NYAP2: variants seen among roughly 807,000 people sequenced by gnomAD.
NYAP2 encodes neuronal tyrosine-phosphorylated phosphoinositide-3-kinase adapter 2.
In NYAP2, 23 loss-of-function variants were observed where a neutral mutation model predicts 50.4. The ratio of observed to expected loss-of-function variants is 0.46; its 90% CI spans 0.33 to 0.65. The LOEUF is 0.65. NYAP2 is among the 30% of genes least tolerant of loss of function. The pLI, the probability that NYAP2 is intolerant of heterozygous loss-of-function variation, is 0.02. For missense variants in NYAP2, 885 were observed against 861.0 expected (o/e 1.03, Z -0.35); for synonymous variants, 394 against 365.2 (o/e 1.08, Z -0.90).
intron 3 of NYAP2, among the ~76,000 whole-genome samples, chr2:225,470,595 C>A (rs1403907781): frequency 1.3e-5 from 2 of 152,066 alleles, no homozygotes; most frequent in East Asian, 3.9e-4. Context: ...GGGGGAATGC[C>A]TGCTGAGAAA....
At chr2:225,571,539 C>A (rs946376347) in intron 4 of NYAP2, among the ~76,000 whole-genome samples, 21 of 152,246 alleles carry the variant, frequency 1.4e-4, no homozygotes, top group Admixed American at 3.9e-4. Context: ...GACTTGCATC[C>A]TTTGAAGCAA....
At chr2:225,417,006 A>G (rs567784559) in intron 3 of NYAP2, among the ~76,000 whole-genome samples, 3 of 152,288 alleles carry the variant, frequency 2.0e-5, no homozygotes, top group African/African-American at 7.2e-5. Context: ...TTGAATATGG[A>G]GAGATGGTTA....
At chr2:225,595,131 A>G (rs1692574193) in intron 5 of NYAP2, among the ~76,000 whole-genome samples, 1 of 152,228 alleles carries the variant, frequency 6.6e-6, no homozygotes, top group Non-Finnish European at 1.5e-5. Context: ...TATTCAATAA[A>G]ATAGAATTTT....
intron 4 of NYAP2, among the ~76,000 whole-genome samples, chr2:225,564,498 A>C (rs895083205): frequency 3.9e-5 from 6 of 151,980 alleles, no homozygotes; most frequent in Non-Finnish European, 8.8e-5. Context: ...TCATCTGAAT[A>C]TAGAGAAAGG....
chr2:225,644,641 GTTTCAGC>G (rs1693596348), intron 6 of NYAP2, among the ~76,000 whole-genome samples: 1 of 147,376 alleles, frequency 6.8e-6, no homozygotes, highest in Non-Finnish European at 1.5e-5. Flanking sequence ...AAGGGATCCA[GTTTCAGC>G]TTTCTACATA....
chr2:225,545,841 C>T (rs1332643439), intron 4 of NYAP2, among the ~76,000 whole-genome samples: 1 of 152,090 alleles, frequency 6.6e-6, no homozygotes, highest in East Asian at 1.9e-4. Flanking sequence ...ATTGGAAAGA[C>T]TTTCTAGGTA....
chr2:225,641,874 A>G (rs2106266435), intron 6 of NYAP2, among the ~76,000 whole-genome samples: 1 of 152,146 alleles, frequency 6.6e-6, no homozygotes, highest in East Asian at 1.9e-4. Flanking sequence ...TTTTTCTGGA[A>G]ACATGGGGAA....
At chr2:225,549,142 A>G (rs73089030) in intron 4 of NYAP2, among the ~76,000 whole-genome samples, 4,183 of 152,200 alleles carry the variant, frequency 0.027, 183 homozygotes, top group African/African-American at 0.094. Context: ...GGGCCTCCCA[A>G]AGTGCCAAGA....
chr2:225,457,112 C>G (rs900441818), intron 3 of NYAP2, among the ~76,000 whole-genome samples: 1 of 152,176 alleles, frequency 6.6e-6, no homozygotes, highest in African/African-American at 2.4e-5. Flanking sequence ...GTTTATTTAT[C>G]GAGCCCATAT....
At chr2:225,449,502 C>G (rs1689614046) in intron 3 of NYAP2, among the ~76,000 whole-genome samples, 1 of 151,726 alleles carries the variant, frequency 6.6e-6, no homozygotes, top group Admixed American at 6.6e-5. Context: ...TAACACAAAG[C>G]AAAATCTGGA....
exon 7 of NYAP2, chr2:225,651,694 G>A (rs1190369675): frequency 4.3e-6 from 4 of 932,384 alleles, no homozygotes; most frequent in East Asian, 2.5e-5. Flanking sequence ...AGTTCTGGCA[G>A]TCTGTGTTTT....
exon 7 of NYAP2, chr2:225,653,819 A>AC (rs1402281426): frequency 6.6e-6 from 1 of 152,206 alleles, no homozygotes; most frequent in Non-Finnish European, 1.5e-5. Flanking sequence ...GGAGATTGAG[A>AC]CCATCCTGGC....
At position 225,582,426 on chromosome 2, in the gene NYAP2, C is replaced by A; in HGVS notation, c.1009C>A (p.Leu337Met). The A allele has an allele frequency of 6.3e-7, 1 of 1,587,280 alleles. No individual in the cohort carries two copies. The highest frequency in any genetic ancestry group is 8.6e-7 in the Non-Finnish European group (1 of 1,161,474). The change falls in exon 5 of 7, where the codon CTG (leucine) becomes ATG (methionine). Residue 337 changes from leucine to methionine, a missense_variant. Coordinates refer to ENST00000636099, the Ensembl canonical transcript of NYAP2. This position sits in a 1 kb window ranked among gnomAD's most constrained non-coding sequence, Gnocchi z 7.0. ...CCTGCTTTCTCACAGACCCCCGCTG[C>A]TGGTATTTCCCCCCGCCCCCGTGCA...
rs953912232 is a variant in NYAP2, at chr2:225,410,459, A to AT, written c.221+1365dup. On this transcript the variant is annotated intron_variant, in intron 3 of 6. Transcript: ENST00000636099. Reference sequence around the variant, plus strand: ...TTTCTGTGAAGTATTTTTGATGGACATTTTTTTGTGTGTGAGCATTTAACT... The same window carrying AT: ...TTTCTGTGAAGTATTTTTGATGGACATTTTTTTTGTGTGTGAGCATTTAACT... Among the ~76,000 whole-genome samples the AT allele has an allele frequency of 2.6e-5, 4 of 151,570 alleles. No homozygotes were observed. The Admixed American group carries it at 2.6e-4, about 10-fold the overall frequency.
the NYAP2 span, among the ~76,000 whole-genome samples, chr2:225,684,094 G>C: frequency 6.6e-6 from 1 of 152,146 alleles, no homozygotes; most frequent in African/African-American, 2.4e-5. Context: ...CTCAGACTTG[G>C]AGTCACAGAT....
At chr2:225,608,080 TG>T (rs1692820230) in intron 5 of NYAP2, among the ~76,000 whole-genome samples, 1 of 152,124 alleles carries the variant, frequency 6.6e-6, no homozygotes, top group Non-Finnish European at 1.5e-5. Context: ...ATGATTATCT[TG>T]TCATTGAACA....
At chr2:225,630,761 A>T (rs535288280) in intron 6 of NYAP2, among the ~76,000 whole-genome samples, 2 of 152,364 alleles carry the variant, frequency 1.3e-5, no homozygotes, top group African/African-American at 4.8e-5. Context: ...AATGTAATTC[A>T]GTTTACATCA....
chr2:225,547,279 T>A (rs1691601192), intron 4 of NYAP2, among the ~76,000 whole-genome samples: 2 of 152,164 alleles, frequency 1.3e-5, no homozygotes, highest in Non-Finnish European at 2.9e-5. Flanking sequence ...CTCCACTATT[T>A]AATTACATGG....
downstream of NYAP2, among the ~76,000 whole-genome samples, chr2:225,657,635 C>A (rs920371291): frequency 8.2e-5 from 12 of 146,968 alleles, no homozygotes; most frequent in African/African-American, 3.0e-4. Context: ...AAACAAAAAC[C>A]AAAACACCGT....
Sources: allele counts gnomAD v4.1 joint callset (sites outside exome capture counted in the v4.1 genomes callset), GRCh38; gene constraint gnomAD v4.1.1; non-coding constraint Gnocchi (gnomAD v3.1); transcripts MANE v1.5; gene names NCBI Gene and HGNC (gene_info 2026-07-23, HGNC 2026-07-21).